SULT1C3: variants seen among roughly 807,000 people sequenced by gnomAD.
SULT1C3 encodes the protein sulfotransferase family 1C member 3.
In SULT1C3, 31 loss-of-function variants were observed where a neutral mutation model predicts 28.4. That is an observed-to-expected ratio of 1.09 (90% confidence interval 0.82 to 1.47). The LOEUF (loss-of-function observed/expected upper bound fraction) is 1.47, where lower values mean the gene tolerates loss of function less well. Ranked by LOEUF, SULT1C3 falls within the 40% of genes most tolerant of loss-of-function variation. SULT1C3 has a pLI of 0.00. For missense variants in SULT1C3, 307 were observed against 272.5 expected (o/e 1.13, Z -0.89); for synonymous variants, 106 against 92.2 (o/e 1.15, Z -0.86).
intron 2 of SULT1C3, among the ~76,000 whole-genome samples, chr2:108,250,656 G>A (rs12477202): frequency 0.25 from 37,894 of 151,464 alleles, 5,564 homozygotes; most frequent in East Asian, 0.7. Flanking sequence ...ACCTAAATTC[G>A]TATTGTCATA....
intron 5 of SULT1C3, 101 bp downstream of exon 5, chr2:108,255,799 GA>G: frequency 2.1e-6 from 3 of 1,404,494 alleles, no homozygotes; most frequent in Non-Finnish European, 2.8e-6. Context: ...CATCCTGATT[GA>G]GGAGGTCCTA....
intron 7 of SULT1C3, 40 bp from the exon 8 acceptor site, chr2:108,260,528 G>C (rs1465567657): frequency 2.1e-6 from 1 of 487,040 alleles, no homozygotes; most frequent in South Asian, 1.5e-5. Context: ...TAGGTGGAAT[G>C]GGTGCAGAGT....
intron 5 of SULT1C3, among the ~76,000 whole-genome samples, chr2:108,257,065 CA>C (rs1675883663): frequency 6.6e-6 from 1 of 151,984 alleles, no homozygotes; most frequent in Non-Finnish European, 1.5e-5. Context: ...GTGACACCTA[CA>C]TATTTAATCA....
rs1038934729 is a variant in SULT1C3 at position 108,247,255 on chromosome 2, A to G, written c.61A>G (p.Met21Val). ...MEKKPELFNI[M>V]EVDGVPTLIL... is the part of the protein sequence containing the mutation. ...AAAAAAGCCAGAACTGTTTAACATC[A>G]TGGAAGTAGATGGAGTCCCTACGTT... The change falls in exon 2 of 8, where the codon ATG becomes GTG. Residue 21 changes from methionine (M) to valine (V), a missense_variant. Transcript: ENST00000681802. The G allele has an allele frequency of 1.9e-6, 3 of 1,593,122 alleles. No homozygotes were observed. Among genetic ancestry groups the G allele is most frequent in the Non-Finnish European group, 1.7e-6 (2 of 1,169,124 alleles).
intron 4 of SULT1C3, among the ~76,000 whole-genome samples, chr2:108,254,753 GTATGTATATATGTATGTATGCATATA>G (rs1178917071): frequency 1.3e-4 from 17 of 126,552 alleles, no homozygotes; most frequent in South Asian, 5.1e-4. Context: ...GCATACATAT[GTATGTATATATGTATGTATGCATATA>G]TATGTATATA....
Position 108,259,014 on chromosome 2 carries a change from TGGTCAGGTGA to T in SULT1C3, c.671_680del (p.Trp224LeufsTer3). 3.1e-6 allele frequency: 1 copy of T among 326,182 alleles called. No individual in the cohort carries two copies. Among genetic ancestry groups the T allele is most frequent in the South Asian group, 4.0e-5 (1 of 25,026 alleles). The allele number at this position is 326,182 out of a possible 1,614,324, so 20.2% of individuals were successfully genotyped here. ...GGTGTTGGAATTCTTGGAGAAAACT[TGGTCAGGTGA>T]TGTTATAAACAAGATTGTCCACCAT... On this transcript the variant is annotated frameshift_variant, in exon 7 of 8. Transcript: ENST00000681802. LOFTEE classifies it high-confidence loss of function.
rs764160260 is a variant in SULT1C3, at chr2:108,253,427, G to A, written c.384G>A (p.Trp128Ter). ...LPSHLIPPSI[W>*]KENCKIVYVA... ...CACATCTGATTCCACCATCTATCTG[G>A]AAAGAAAACTGCAAGGTATAAAGAG... is the stretch of plus-strand genomic sequence containing the variant. Residue 128 changes from tryptophan to a stop codon, truncating the protein, a stop_gained, in exon 4 of 8, where the codon TGG (tryptophan) becomes TGA (stop). Coordinates refer to ENST00000681802, the MANE Select transcript of SULT1C3 (RefSeq NM_001320878.2). LOFTEE classifies it high-confidence loss of function. The A allele has an allele frequency of 3.9e-6, 6 of 1,547,942 alleles. No homozygotes were observed. The Admixed American group carries it at 1.1e-4, about 29-fold the overall frequency.
chr2:108,261,964 G>C (rs747475896), downstream of SULT1C3, among the ~76,000 whole-genome samples: 3 of 152,144 alleles, frequency 2.0e-5, no homozygotes, highest in Admixed American at 1.3e-4. Flanking sequence ...AGGAAGCAGA[G>C]AGGATGAAGA....
chr2:108,242,705 A>G (rs1490305578), intron 1 of SULT1C3, among the ~76,000 whole-genome samples: 1 of 152,212 alleles, frequency 6.6e-6, no homozygotes, highest in Admixed American at 6.5e-5. Flanking sequence ...TTTTGAGAGG[A>G]AACTATCTAC....
intron 4 of SULT1C3, among the ~76,000 whole-genome samples, chr2:108,254,713 G>A (rs1197953460): frequency 1.3e-5 from 2 of 149,936 alleles, no homozygotes; most frequent in Admixed American, 6.7e-5. Flanking sequence ...ATATATATAT[G>A]TATGTATATA....
chr2:108,247,205 T>C lies in SULT1C3; in HGVS notation c.11T>C (p.Ile4Thr), dbSNP rs145344319. MAK[I>T]EKNAPTMEKK... ...CATCCCAGATTCCCAATGGCGAAGA[T>C]TGAGAAAAACGCTCCCACGATGGAA... is the stretch of plus-strand genomic sequence containing the variant. The change falls in exon 2 of 8, where the codon ATT becomes ACT. Residue 4 changes from isoleucine (I) to threonine (T), a missense_variant. Coordinates refer to ENST00000681802, the MANE Select transcript of SULT1C3 (RefSeq NM_001320878.2). 1.7e-3 allele frequency: 2,601 copies of C among 1,522,032 alleles called. 4 individuals are homozygous for C. The highest frequency in any genetic ancestry group is 4.0e-3 in the Middle Eastern group (23 of 5,712). The allele number at this position is 1,522,032 out of a possible 1,614,324, so 94.3% of individuals were successfully genotyped here. A position where few individuals can be genotyped will look rare whatever the true frequency, so the allele number is the denominator to read the frequency against.
At chr2:108,252,173 AGATAGATAGATAGATG>A (rs889774539) in intron 2 of SULT1C3, among the ~76,000 whole-genome samples, 176 bp from the exon 3 acceptor site, 12 of 151,854 alleles carry the variant, frequency 7.9e-5, no homozygotes, top group Non-Finnish European at 1.5e-4. Context: ...ATAGATAGAT[AGATAGATAGATAGATG>A]GATAGATAGA....
chr2:108,253,325 T>C lies in SULT1C3; in HGVS notation c.302-20T>C. 1 of 1,465,340 alleles carries C rather than the reference T, an allele frequency of 6.8e-7. No homozygotes were observed. The highest frequency in any genetic ancestry group is 2.3e-5 in the Admixed American group (1 of 44,290). 90.8% of individuals were successfully genotyped at this position (1,465,340 alleles called of 1,614,324 possible). A position where few individuals can be genotyped will look rare whatever the true frequency, so the allele number is the denominator to read the frequency against. Reference sequence around the variant, plus strand: ...CAGAGTGCCAAGAATAAACAAAGAATATAAATTGTTTCTTGCTAGATTTGG... The same window carrying C: ...CAGAGTGCCAAGAATAAACAAAGAACATAAATTGTTTCTTGCTAGATTTGG... On this transcript the variant is annotated intron_variant, in intron 3 of 7. Transcript: ENST00000681802.
downstream of SULT1C3, chr2:108,264,830 A>C (rs764798234): frequency 3.1e-6 from 5 of 1,608,446 alleles, no homozygotes; most frequent in Non-Finnish European, 4.2e-6. Flanking sequence ...TACAGGACCC[A>C]AAGCGGGAAA....
At chr2:108,260,946 G>T (rs1676010862), downstream of SULT1C3, among the ~76,000 whole-genome samples, 1 of 152,102 alleles carries the variant, frequency 6.6e-6, no homozygotes, top group African/African-American at 2.4e-5. Context: ...ATGTTTTATT[G>T]TGCATGACAG....
chr2:108,254,084 C>T (rs35184015), intron 4 of SULT1C3, among the ~76,000 whole-genome samples: 59,154 of 151,668 alleles, frequency 0.39, 13,028 homozygotes, highest in East Asian at 0.74. Flanking sequence ...GTAACCTCTA[C>T]TCTTCCTAAA....
chr2:108,258,106 G>A (rs1347322072), intron 5 of SULT1C3, among the ~76,000 whole-genome samples: 1 of 152,040 alleles, frequency 6.6e-6, no homozygotes, highest in Non-Finnish European at 1.5e-5. Context: ...AATAAAGATA[G>A]CTCCTGTGTT....
chr2:108,245,328 A>C (rs1675553250), intron 1 of SULT1C3, among the ~76,000 whole-genome samples: 1 of 152,194 alleles, frequency 6.6e-6, no homozygotes, highest in Non-Finnish European at 1.5e-5. Context: ...AATGAATTTC[A>C]AGAAAAATCA....
At chr2:108,246,986 GA>G (rs1369537219) in intron 1 of SULT1C3, among the ~76,000 whole-genome samples, 3 of 152,022 alleles carry the variant, frequency 2.0e-5, no homozygotes, top group South Asian at 4.2e-4. Flanking sequence ...GTAGAAAACA[GA>G]AAAAACTATT....
Sources: gnomAD v4.1 joint callset for allele counts (sites outside exome capture counted in the v4.1 genomes callset) on GRCh38, gnomAD v4.1.1 for gene constraint, MANE v1.5 for transcripts, NCBI Gene and HGNC (gene_info 2026-07-23, HGNC 2026-07-21) for gene names.